FANCC: variants seen among roughly 807,000 people sequenced by gnomAD.
FANCC encodes FA complementation group C, also known as Fanconi anemia group C protein.
FANCC carries 55 observed loss-of-function variants against 71.3 expected under a neutral mutation model. The ratio of observed to expected loss-of-function variants is 0.77; its 90% CI spans 0.62 to 0.97. The LOEUF (loss-of-function observed/expected upper bound fraction) is 0.97. Among genes scored for constraint, FANCC ranks in the 50% least tolerant of loss-of-function variants. The probability of loss-of-function intolerance (pLI) is 0.00; values close to 1 mark genes in which losing one functional copy is unlikely to be tolerated. For missense variants in FANCC, 678 were observed against 670.9 expected, an observed-to-expected ratio of 1.01 and a Z score of -0.12; for synonymous variants, 275 against 244.9, an observed-to-expected ratio of 1.12 and a Z score of -1.15.
chr9:95,292,548 T>A (rs1167190971), intron 1 of FANCC: 120 of 1,479,086 alleles, frequency 8.1e-5, no homozygotes, highest in Admixed American at 1.5e-4. Context: ...GATCCAGCAG[T>A]AGGTGAGCGA....
chr9:95,168,549 G>A (rs1243875072), intron 6 of FANCC, among the ~76,000 whole-genome samples: 1 of 152,132 alleles, frequency 6.6e-6, no homozygotes, highest in Admixed American at 6.5e-5. Flanking sequence ...TGTTTTGTTC[G>A]AGATGGCACC....
chr9:95,306,655 T>C (rs534126778), intron 1 of FANCC, among the ~76,000 whole-genome samples: 1 of 152,182 alleles, frequency 6.6e-6, no homozygotes, highest in African/African-American at 2.4e-5. Context: ...TAAAATCAGT[T>C]GGGTTTGGGT....
chr9:95,288,697 G>A (rs1833832135), intron 1 of FANCC, among the ~76,000 whole-genome samples: 1 of 150,994 alleles, frequency 6.6e-6, no homozygotes, highest in African/African-American at 2.4e-5. Flanking sequence ...TTGATAATCT[G>A]AATCCAGTGC....
At chr9:95,222,702 T>C (rs1346762223) in intron 4 of FANCC, among the ~76,000 whole-genome samples, 1 of 152,242 alleles carries the variant, frequency 6.6e-6, no homozygotes, top group Non-Finnish European at 1.5e-5. Flanking sequence ...GCCACAATTC[T>C]ATGTAATAAA....
intron 4 of FANCC, among the ~76,000 whole-genome samples, chr9:95,223,425 A>C (rs1170725175): frequency 1.3e-5 from 2 of 152,174 alleles, no homozygotes; most frequent in Non-Finnish European, 1.5e-5. Flanking sequence ...CCTCTTTATA[A>C]AGACAAGAGT....
intron 8 of FANCC, among the ~76,000 whole-genome samples, chr9:95,129,885 G>A (rs1216842940): frequency 6.6e-6 from 1 of 152,142 alleles, no homozygotes; most frequent in Non-Finnish European, 1.5e-5. Flanking sequence ...TCTGCTGGGT[G>A]TGCATCCCCT....
chr9:95,134,435 T>C (rs1827348044), intron 8 of FANCC, among the ~76,000 whole-genome samples: 1 of 152,080 alleles, frequency 6.6e-6, no homozygotes, highest in African/African-American at 2.4e-5. Flanking sequence ...GGCCACTAAC[T>C]AAAGACCGGA....
intron 4 of FANCC, among the ~76,000 whole-genome samples, chr9:95,220,397 T>C (rs541662875): frequency 9.8e-5 from 15 of 152,356 alleles, no homozygotes; most frequent in African/African-American, 3.6e-4. Flanking sequence ...TAAATCATGC[T>C]GTTATAAAGA....
intron 4 of FANCC, among the ~76,000 whole-genome samples, chr9:95,184,623 G>T (rs1174483523): frequency 1.3e-5 from 2 of 152,216 alleles, no homozygotes; most frequent in Non-Finnish European, 2.9e-5. Context: ...CTCTGGCATA[G>T]AAACTCAATG....
chr9:95,200,963 T>C (rs1827769074), intron 4 of FANCC, among the ~76,000 whole-genome samples: 1 of 152,182 alleles, frequency 6.6e-6, no homozygotes, highest in African/African-American at 2.4e-5. Flanking sequence ...AAAAGCACTC[T>C]CCAGAACACG....
intron 1 of FANCC, chr9:95,294,044 G>C: frequency 6.2e-7 from 1 of 1,605,042 alleles, no homozygotes; most frequent in Non-Finnish European, 8.5e-7. Context: ...ATAAACTTCA[G>C]TGCACAGAAC....
At chr9:95,204,598 A>G (rs145455871) in intron 4 of FANCC, among the ~76,000 whole-genome samples, 145 of 152,348 alleles carry the variant, frequency 9.5e-4, no homozygotes, top group African/African-American at 3.3e-3. Flanking sequence ...AGTCATAAGT[A>G]TATGTTAACC....
chr9:95,267,470 G>A (rs1191461997), intron 1 of FANCC, among the ~76,000 whole-genome samples: 1 of 152,120 alleles, frequency 6.6e-6, no homozygotes, highest in South Asian at 2.1e-4. Context: ...TGTGCAGAGA[G>A]GGAGAAAGAG....
At chr9:95,257,340 C>T (rs1831726751) in intron 1 of FANCC, among the ~76,000 whole-genome samples, 1 of 152,186 alleles carries the variant, frequency 6.6e-6, no homozygotes, top group Non-Finnish European at 1.5e-5. Context: ...TCTCTCAGAT[C>T]ACAGTGCAAT....
At chr9:95,126,990 G>A (rs1323636467) in intron 8 of FANCC, 3 of 237,402 alleles carry the variant, frequency 1.3e-5, no homozygotes, top group Non-Finnish European at 1.7e-5. Flanking sequence ...GGTCAGGCCC[G>A]TGCCTGCAGC....
intron 1 of FANCC, among the ~76,000 whole-genome samples, chr9:95,250,200 CA>C (rs781424947): frequency 6.6e-6 from 1 of 152,300 alleles, no homozygotes; most frequent in South Asian, 2.1e-4. Context: ...AAGCCAGAAG[CA>C]GGAATCGCAG....
At chr9:95,131,491 G>T (rs1354065921) in intron 8 of FANCC, among the ~76,000 whole-genome samples, 1 of 152,126 alleles carries the variant, frequency 6.6e-6, no homozygotes, top group Non-Finnish European at 1.5e-5. Flanking sequence ...TCGCAACGTG[G>T]GCCTCTTTCT....
chr9:95,189,196 T>C (rs1826925929), intron 4 of FANCC, among the ~76,000 whole-genome samples: 1 of 152,186 alleles, frequency 6.6e-6, no homozygotes, highest in South Asian at 2.1e-4. Context: ...TCAATGTTTT[T>C]TTTTTCCCTT....
intron 1 of FANCC, among the ~76,000 whole-genome samples, chr9:95,271,114 C>T (rs1302353733): frequency 9.9e-5 from 15 of 152,164 alleles, no homozygotes; most frequent in Admixed American, 6.5e-4. Flanking sequence ...TTGGTTGTCA[C>T]AGCTGGGAGA....
Sources: gnomAD v4.1 joint callset for allele counts (sites outside exome capture counted in the v4.1 genomes callset) on GRCh38, gnomAD v4.1.1 for gene constraint, MANE v1.5 for transcripts, NCBI Gene and HGNC (gene_info 2026-07-23, HGNC 2026-07-21) for gene names.